The following MED10 variants were observed in gnomAD, a reference collection of about 807,000 sequenced individuals.
MED10 encodes the protein mediator of RNA polymerase II transcription subunit 10.
Under a neutral mutation model 17.2 loss-of-function variants are expected in MED10, and 9 were observed. The observed-to-expected ratio is 0.52, with a 90% CI of 0.31 to 0.91. The LOEUF (loss-of-function observed/expected upper bound fraction) is 0.91. Among genes scored for constraint, MED10 ranks in the 40% least tolerant of loss-of-function variants. The pLI is 0.04. For synonymous variants in MED10, 66 were observed against 59.8 expected (o/e 1.10, Z -0.48); for missense variants, 129 against 164.8 (o/e 0.78, Z 1.19).
Position 6,372,557 on chromosome 5 carries a change from C to G in MED10, c.354G>C (p.Pro118=), listed in dbSNP as rs151062073. 6.2e-7 allele frequency: 1 copy of G among 1,614,158 alleles called. No homozygotes were observed. Among genetic ancestry groups the G allele is most frequent in the Non-Finnish European group, 8.5e-7 (1 of 1,180,028 alleles). The stretch of plus-strand genomic sequence containing the variant: ...TGCTTCGATACTTAGCCATGTCTTC[C>G]GGAAATACTTTAGAAAGTTCTTGAA... ...LLIQELSKVF[P]EDMAKYRSIR... is the part of the protein sequence containing the mutation. Residue 118 remains proline (P), a synonymous_variant, in exon 4 of 4, where the codon CCG becomes CCC. Coordinates refer to ENST00000255764, the MANE Select transcript of MED10 (RefSeq NM_032286.3).
At chr5:6,374,299 T>C (rs1033537102) in intron 3 of MED10, 25 bp downstream of exon 3, 4 of 1,527,780 alleles carry the variant, frequency 2.6e-6, no homozygotes, top group South Asian at 2.2e-5. Flanking sequence ...TCCCACTGTA[T>C]TTCTGACACT....
intron 2 of MED10, 21 bp downstream of exon 2, chr5:6,377,145 A>C (rs767089866): frequency 7.9e-6 from 12 of 1,521,776 alleles, no homozygotes; most frequent in African/African-American, 1.4e-5. Context: ...ACCCAAGACT[A>C]ATATCAAGAA....
At chr5:6,373,965 A>T (rs1047936674) in intron 3 of MED10, among the ~76,000 whole-genome samples, 2 of 152,220 alleles carry the variant, frequency 1.3e-5, no homozygotes, top group Non-Finnish European at 2.9e-5. Context: ...AATCCTCTAA[A>T]ACAAAGAACC....
Position 6,372,293 on chromosome 5 carries a change from G to T in MED10, c.*210C>A, listed in dbSNP as rs988604777. 3 of 550,832 alleles carry T rather than the reference G, an allele frequency of 5.4e-6. No individual in the cohort carries two copies. In the African/African-American group the frequency reaches 5.7e-5, roughly 10 times the overall value. The allele number at this position is 550,832 out of a possible 1,614,324, so 34.1% of individuals were successfully genotyped here. ...GTCAGCACTCTGAAAGCCAGTTGACGCCAGACAAGCTGCTGGAACAGCTGG... is the reference window on the plus strand; with the variant it reads ...GTCAGCACTCTGAAAGCCAGTTGACTCCAGACAAGCTGCTGGAACAGCTGG... On this transcript the variant is annotated 3_prime_UTR_variant, in exon 4 of 4. Transcript: ENST00000255764.
Position 6,372,576 on chromosome 5 carries a change from T to C in MED10, c.335A>G (p.Glu112Gly). 1 of 1,614,146 alleles carries C rather than the reference T, an allele frequency of 6.2e-7. No individual in the cohort carries two copies. Among genetic ancestry groups the C allele is most frequent in the Non-Finnish European group, 8.5e-7 (1 of 1,179,978 alleles). ...GTCTTCCGGAAATACTTTAGAAAGTTCTTGAATCAACAGGCTTTTAAATTT... is the reference window on the plus strand; with the variant it reads ...GTCTTCCGGAAATACTTTAGAAAGTCCTTGAATCAACAGGCTTTTAAATTT... ...MKKFKSLLIQ[E>G]LSKVFPEDMA... Residue 112 changes from glutamate (E) to glycine (G), a missense_variant, in exon 4 of 4, where the codon GAA (glutamate) becomes GGA (glycine). By Grantham distance (98) the Glu-to-Gly change is moderately conservative (BLOSUM62 -2). Coordinates refer to ENST00000255764, the MANE Select transcript of MED10 (RefSeq NM_032286.3).
In MED10 at chr5:6,372,395, TCCAGGGC is replaced by T. The variant is rs1209498025; in HGVS notation, c.*101_*107del. On this transcript the variant is annotated 3_prime_UTR_variant, in exon 4 of 4. Transcript: ENST00000255764. ...GAGGACAGAGGGGCTGAGGGGTGTG[TCCAGGGC>T]CCAGTCCCACCTCAGCAGGAAGGTG... 1 of 892,862 alleles carries T rather than the reference TCCAGGGC, an allele frequency of 1.1e-6. No individual in the cohort carries two copies. Among genetic ancestry groups the T allele is most frequent in the East Asian group, 2.4e-5 (1 of 41,090 alleles). The allele number at this position is 892,862 out of a possible 1,614,324, so 55.3% of individuals were successfully genotyped here.
At position 6,372,575 on chromosome 5, in the gene MED10, T is replaced by C. The variant is rs369192512; in HGVS notation, c.336A>G (p.Glu112=). 5.8e-5 allele frequency: 93 copies of C among 1,614,030 alleles called. No homozygotes were observed. The Middle Eastern group carries it at 1.3e-3, about 23-fold the overall frequency. The change falls in exon 4 of 4, where the codon GAA becomes GAG. Residue 112 remains glutamate, a synonymous_variant. Transcript: ENST00000255764. ...TGTCTTCCGGAAATACTTTAGAAAG[T>C]TCTTGAATCAACAGGCTTTTAAATT... The part of the protein sequence containing the change: ...MKKFKSLLIQ[E]LSKVFPEDMA...
At chr5:6,372,673 T>C in intron 3 of MED10, 72 bp from the exon 4 acceptor site, 3 of 1,321,852 alleles carry the variant, frequency 2.3e-6, no homozygotes, top group Middle Eastern at 2.0e-4. Flanking sequence ...ATATGCCTTT[T>C]GGAAGTTTAA....
chr5:6,377,755 C>T (rs935251400), intron 1 of MED10, among the ~76,000 whole-genome samples: 2 of 152,236 alleles, frequency 1.3e-5, no homozygotes, highest in Non-Finnish European at 2.9e-5. Flanking sequence ...ACATATAAAG[C>T]CCTTCTCGAA....
At position 6,372,051 on chromosome 5, in the gene MED10, C is replaced by T. The variant is rs1448517176; in HGVS notation, c.*452G>A. 6.5e-6 allele frequency: 1 copy of T among 154,620 alleles called. No homozygotes were observed. The highest frequency in any genetic ancestry group is 1.4e-5 in the Non-Finnish European group (1 of 69,728). The allele number at this position is 154,620 out of a possible 1,614,324, so 9.6% of individuals were successfully genotyped here. On this transcript the variant is annotated 3_prime_UTR_variant, in exon 4 of 4. Coordinates refer to ENST00000255764, the MANE Select transcript of MED10 (RefSeq NM_032286.3). ...TATAATACCACTTAAGTACTTCCCA[C>T]ATTAAACTGATTTTTCTTTTTTTAA...
At chr5:6,374,221 A>C in intron 3 of MED10, 103 bp downstream of exon 3, 1 of 757,518 alleles carries the variant, frequency 1.3e-6, no homozygotes, top group Non-Finnish European at 2.3e-6. Flanking sequence ...AAGTTATGAA[A>C]GTCAATATTC....
intron 1 of MED10, among the ~76,000 whole-genome samples, chr5:6,377,492 T>C (rs1738020523): frequency 6.6e-6 from 1 of 152,230 alleles, no homozygotes; most frequent in Non-Finnish European, 1.5e-5. Context: ...GTAAGGGGGA[T>C]GGAGAGGGAA....
At position 6,377,147 on chromosome 5, in the gene MED10, T is replaced by TA. The variant is rs1204144918; in HGVS notation, c.206+18dup. The stretch of plus-strand genomic sequence containing the variant: ...GAACAAGATTTATACCCAAGACTAA[T>TA]ATCAAGAATGTTACTTACTCAAAAA... On this transcript the variant is annotated intron_variant, in intron 2 of 3. Coordinates refer to ENST00000255764, the MANE Select transcript of MED10 (RefSeq NM_032286.3). The TA allele has an allele frequency of 1.9e-6, 3 of 1,542,698 alleles. No homozygotes were observed. In the African/African-American group the frequency reaches 4.1e-5, roughly 21 times the overall value.
At chr5:6,378,272 C>T (rs530116666) in intron 1 of MED10, 90 bp downstream of exon 1, 3 of 1,433,884 alleles carry the variant, frequency 2.1e-6, no homozygotes, top group African/African-American at 2.9e-5. Context: ...CGGTCAGGCT[C>T]GGCTCGGGCT....
intron 3 of MED10, among the ~76,000 whole-genome samples, chr5:6,373,073 A>G (rs1737919909): frequency 6.6e-6 from 1 of 152,200 alleles, no homozygotes; most frequent in Admixed American, 6.5e-5. Context: ...CAAAACAGAG[A>G]TGAGGCTGTG....
chr5:6,377,424 TAG>T (rs1738019543), intron 1 of MED10, among the ~76,000 whole-genome samples, 175 bp from the exon 2 acceptor site: 1 of 152,234 alleles, frequency 6.6e-6, no homozygotes, highest in Non-Finnish European at 1.5e-5. Flanking sequence ...AGGACACCGT[TAG>T]AGTTACAAAA....
chr5:6,378,182 G>A (rs1442663694), intron 1 of MED10, among the ~76,000 whole-genome samples, 180 bp downstream of exon 1: 1 of 152,244 alleles, frequency 6.6e-6, no homozygotes, highest in East Asian at 1.9e-4. Flanking sequence ...GCTGGAGCGC[G>A]GGCCCCGCCC....
intron 2 of MED10, among the ~76,000 whole-genome samples, chr5:6,375,142 G>C (rs1426259086): frequency 6.6e-6 from 1 of 152,072 alleles, no homozygotes; most frequent in African/African-American, 2.4e-5. Context: ...ACTTCCCCCA[G>C]AAATTATCTT....
chr5:6,376,951 T>C (rs1426167404), intron 2 of MED10: 3 of 392,608 alleles, frequency 7.6e-6, no homozygotes, highest in Non-Finnish European at 1.4e-5. Flanking sequence ...AGGATATTCT[T>C]TTTTTTCGTT....
Sources: gnomAD v4.1 joint callset for allele counts (sites outside exome capture counted in the v4.1 genomes callset) on GRCh38, gnomAD v4.1.1 for gene constraint, MANE v1.5 for transcripts, NCBI Gene and HGNC (gene_info 2026-07-23, HGNC 2026-07-21) for gene names.